The following UGGT2 variants were observed in gnomAD, a reference collection of about 807,000 sequenced individuals.
UGGT2 encodes the protein UDP-glucose glycoprotein glucosyltransferase 2.
UGGT2 carries 180 observed loss-of-function variants against 192.1 expected under a neutral mutation model. The observed-to-expected ratio is 0.94, with a 90% CI of 0.83 to 1.06. The LOEUF is 1.06. Ranked by LOEUF, UGGT2 falls within the 50% of genes least tolerant of loss-of-function variation. The pLI, the probability that UGGT2 is intolerant of heterozygous loss-of-function variation, is 0.00. For synonymous variants in UGGT2, 580 were observed against 591.0 expected, an observed-to-expected ratio of 0.98 and a Z score of 0.27; for missense variants, 1,849 against 1,795.7, an observed-to-expected ratio of 1.03 and a Z score of -0.54.
chr13:95,858,559 C>T (rs746843172), intron 33 of UGGT2, among the ~76,000 whole-genome samples: 3 of 152,122 alleles, frequency 2.0e-5, no homozygotes, highest in Non-Finnish European at 2.9e-5. Flanking sequence ...AAGTGCTATC[C>T]ACTGTAACGG....
chr13:95,843,083 T>C (rs559716046), intron 36 of UGGT2, among the ~76,000 whole-genome samples: 2 of 152,262 alleles, frequency 1.3e-5, no homozygotes, highest in African/African-American at 2.4e-5. Context: ...TGAGTATTTA[T>C]GTACAAGCAT....
intron 36 of UGGT2, among the ~76,000 whole-genome samples, chr13:95,848,332 G>A (rs928751211): frequency 5.3e-5 from 8 of 152,058 alleles, no homozygotes; most frequent in South Asian, 4.2e-4. Context: ...ATTACTTCAC[G>A]GATCATGACT....
intron 38 of UGGT2, among the ~76,000 whole-genome samples, chr13:95,806,535 T>C (rs1342903062): frequency 6.6e-6 from 1 of 152,168 alleles, no homozygotes; most frequent in Non-Finnish European, 1.5e-5. Context: ...CCAATGACAC[T>C]TTTTGCAGAA....
At chr13:95,902,798 T>C in intron 21 of UGGT2, 56 bp downstream of exon 21, 1 of 1,507,376 alleles carries the variant, frequency 6.6e-7, no homozygotes, top group Non-Finnish European at 9.1e-7. Context: ...CCAAATACAC[T>C]CACACTTTTA....
chr13:95,926,337 T>C (rs2049014415), intron 19 of UGGT2, among the ~76,000 whole-genome samples: 1 of 152,132 alleles, frequency 6.6e-6, no homozygotes. Flanking sequence ...TATAAAAGTT[T>C]GCCCCTTACA....
intron 20 of UGGT2, among the ~76,000 whole-genome samples, chr13:95,920,350 ATAT>A (rs932993525): frequency 2.0e-5 from 3 of 152,046 alleles, no homozygotes; most frequent in African/African-American, 7.2e-5. Context: ...CAAATGGGAT[ATAT>A]TAATAATTAA....
chr13:95,974,632 G>C (rs1415450173), intron 10 of UGGT2, among the ~76,000 whole-genome samples: 1 of 152,174 alleles, frequency 6.6e-6, no homozygotes, highest in Admixed American at 6.5e-5. Flanking sequence ...CTGCCCCAGA[G>C]AGTTACCCTT....
In UGGT2 at chr13:95,860,797, C is replaced by A. The variant is rs956955757; in HGVS notation, c.3731G>T (p.Arg1244Leu). ...FSVASGHLYE[R>L]FLRIMMLSVL... ...TAAAAAATATACCTACCTTAAAAAA[C>A]GTTCATATAAATGACCAGAAGCAAC... Residue 1244 changes from arginine (R) to leucine (L), a missense_variant, in exon 32 of 39, where the codon CGT (arginine) becomes CTT (leucine). By Grantham distance (102) the Arg-to-Leu change is moderately radical. Transcript: ENST00000376747. 4.6e-6 allele frequency: 7 copies of A among 1,514,318 alleles called. No individual in the cohort carries two copies. Among genetic ancestry groups the A allele is most frequent in the Non-Finnish European group, 6.2e-6 (7 of 1,131,198 alleles). The allele number at this position is 1,514,318 out of a possible 1,614,324, so 93.8% of individuals were successfully genotyped here.
intron 29 of UGGT2, among the ~76,000 whole-genome samples, chr13:95,870,124 G>A (rs1891093714): frequency 6.6e-6 from 1 of 152,092 alleles, no homozygotes; most frequent in Non-Finnish European, 1.5e-5. Flanking sequence ...ATACGGAACT[G>A]CAAAAGAAAT....
chr13:95,972,635 C>T lies in UGGT2; in HGVS notation c.1129G>A (p.Ala377Thr). The T allele has an allele frequency of 1.9e-6, 3 of 1,613,800 alleles. No homozygotes were observed. Among genetic ancestry groups the T allele is most frequent in the Non-Finnish European group, 2.5e-6 (3 of 1,179,830 alleles). The change falls in exon 11 of 39, where the codon GCT becomes ACT. Residue 377 changes from alanine to threonine, a missense_variant. Ala to Thr is a moderately conservative substitution (Grantham distance 58). Transcript: ENST00000376747. ...QVRFKIQPGD[A>T]RLFINGLRVD... ...CGAAGGCCATTTATAAATAGACGAG[C>T]ATCGCCTGGCTGAATTTTAAATCTA...
intron 9 of UGGT2, 146 bp downstream of exon 9, chr13:95,986,187 A>G: frequency 1.9e-6 from 1 of 538,372 alleles, no homozygotes. Flanking sequence ...AAAAATATAT[A>G]TATATTGAAA....
intron 11 of UGGT2, among the ~76,000 whole-genome samples, chr13:95,970,708 T>C (rs559194879): frequency 6.6e-6 from 1 of 152,158 alleles, no homozygotes; most frequent in Non-Finnish European, 1.5e-5. Context: ...CAAATTTAAA[T>C]TTTTTATTAC....
intron 12 of UGGT2, among the ~76,000 whole-genome samples, chr13:95,965,974 A>G (rs2050567092): frequency 1.3e-5 from 2 of 152,184 alleles, no homozygotes; most frequent in Non-Finnish European, 2.9e-5. Context: ...CACAATGGAA[A>G]ACACTATGGA....
intron 37 of UGGT2, among the ~76,000 whole-genome samples, chr13:95,835,818 A>G (rs971730810): frequency 6.6e-6 from 1 of 152,240 alleles, no homozygotes. Context: ...GAAATATTTT[A>G]TGTTTAGGAG....
intron 4 of UGGT2, among the ~76,000 whole-genome samples, chr13:96,022,505 G>A (rs1020538815): frequency 2.6e-5 from 4 of 151,394 alleles, no homozygotes; most frequent in Non-Finnish European, 5.9e-5. Context: ...CTGTTTAATA[G>A]AGCTCTTTCA....
intron 31 of UGGT2, among the ~76,000 whole-genome samples, chr13:95,861,392 C>T (rs541979781): frequency 2.0e-5 from 3 of 152,168 alleles, no homozygotes; most frequent in South Asian, 2.1e-4. Context: ...TTCTCCACCA[C>T]GCAGGGTATG....
chr13:95,815,068 A>C (rs1173057110), intron 38 of UGGT2, among the ~76,000 whole-genome samples: 2 of 152,182 alleles, frequency 1.3e-5, no homozygotes, highest in Non-Finnish European at 2.9e-5. Flanking sequence ...ATAAAAGGAA[A>C]CTTTTACAGC....
At chr13:95,946,374 T>G (rs986353438) in intron 15 of UGGT2, among the ~76,000 whole-genome samples, 2 of 152,160 alleles carry the variant, frequency 1.3e-5, no homozygotes, top group African/African-American at 4.8e-5. Flanking sequence ...CTGCAATGAT[T>G]TTTTGTTTTT....
intron 4 of UGGT2, among the ~76,000 whole-genome samples, chr13:96,017,706 T>G (rs9556518): frequency 0.39 from 59,963 of 151,962 alleles, 12,071 homozygotes; most frequent in Middle Eastern, 0.44. Context: ...TATGCATATA[T>G]GCATTAAAAA....
Sources: allele counts gnomAD v4.1 joint callset (sites outside exome capture counted in the v4.1 genomes callset), GRCh38; gene constraint gnomAD v4.1.1; transcripts MANE v1.5; gene names NCBI Gene and HGNC (gene_info 2026-07-23, HGNC 2026-07-21).